The following SGCD variants were observed in gnomAD, a reference collection of about 807,000 sequenced individuals.
SGCD encodes the protein delta-sarcoglycan.
A neutral mutation model predicts 36.6 loss-of-function variants in SGCD; 18 were observed. The observed-to-expected ratio is 0.49, with a 90% CI of 0.34 to 0.73. The LOEUF is 0.73. Among genes scored for constraint, SGCD ranks in the 30% least tolerant of loss-of-function variants. SGCD has a pLI of 0.01. For synonymous variants in SGCD, 133 were observed against 130.6 expected (o/e 1.02, Z -0.12); for missense variants, 387 against 346.7 (o/e 1.12, Z -0.92).
intron 3 of SGCD, among the ~76,000 whole-genome samples, chr5:156,490,110 G>A (rs752891289): frequency 1.1e-4 from 16 of 151,804 alleles, no homozygotes; most frequent in African/African-American, 1.7e-4. Context: ...AAAATCTAGC[G>A]GAAATGGATA....
intron 7 of SGCD, among the ~76,000 whole-genome samples, chr5:156,712,799 CT>C (rs1300694910): frequency 6.6e-6 from 1 of 152,198 alleles, no homozygotes; most frequent in Admixed American, 6.5e-5. Context: ...TCCCCAACCC[CT>C]TTTCCAGGAC....
chr5:156,535,495 A>C (rs1581131464), intron 4 of SGCD, among the ~76,000 whole-genome samples: 1 of 152,306 alleles, frequency 6.6e-6, no homozygotes, highest in African/African-American at 2.4e-5. Flanking sequence ...TGTCTGAGGA[A>C]GTTTGTTCTC....
intron 1 of SGCD, among the ~76,000 whole-genome samples, chr5:156,025,379 A>G (rs2127574320): frequency 6.6e-6 from 1 of 152,324 alleles, no homozygotes. Context: ...TTTGCCCAGG[A>G]AAGGTATGAA....
chr5:156,421,778 C>T (rs1773321925), intron 3 of SGCD, among the ~76,000 whole-genome samples: 1 of 152,034 alleles, frequency 6.6e-6, no homozygotes, highest in Non-Finnish European at 1.5e-5. Context: ...GGAATTCCTT[C>T]ACTTACTCTT....
chr5:156,391,805 AG>A (rs1349696231), intron 3 of SGCD, among the ~76,000 whole-genome samples: 1 of 152,186 alleles, frequency 6.6e-6, no homozygotes, highest in Non-Finnish European at 1.5e-5. Context: ...GAAATTTTGC[AG>A]GGCAAAAAAT....
intron 7 of SGCD, among the ~76,000 whole-genome samples, chr5:156,702,071 A>G (rs1370749223): frequency 2.6e-5 from 4 of 152,198 alleles, no homozygotes; most frequent in Non-Finnish European, 5.9e-5. Context: ...TTTGCCTTGT[A>G]TGTAAGAATG....
intron 3 of SGCD, among the ~76,000 whole-genome samples, chr5:156,391,323 G>A (rs1029507847): frequency 6.6e-6 from 1 of 152,212 alleles, no homozygotes; most frequent in African/African-American, 2.4e-5. Flanking sequence ...TACACGCTAT[G>A]TTAGCACAAC....
chr5:156,297,052 A>G (rs915783080), intron 3 of SGCD, among the ~76,000 whole-genome samples: 1 of 151,640 alleles, frequency 6.6e-6, no homozygotes, highest in African/African-American at 2.4e-5. Context: ...TATATGGGAT[A>G]TATTAGATAT....
chr5:156,667,972 G>A (rs1202314329), intron 7 of SGCD, among the ~76,000 whole-genome samples: 1 of 152,152 alleles, frequency 6.6e-6, no homozygotes. Context: ...CATAGGAAAG[G>A]ATATTTCAAC....
intron 3 of SGCD, among the ~76,000 whole-genome samples, chr5:156,487,414 G>A (rs1755725176): frequency 6.6e-6 from 1 of 152,136 alleles, no homozygotes; most frequent in Non-Finnish European, 1.5e-5. Context: ...CACCAGATGT[G>A]CAGATAACAA....
At chr5:156,504,615 T>G (rs1404271508) in intron 3 of SGCD, among the ~76,000 whole-genome samples, 1 of 152,072 alleles carries the variant, frequency 6.6e-6, no homozygotes, top group African/African-American at 2.4e-5. Flanking sequence ...TAGTTTTTAT[T>G]TTTTCTCTTA....
intron 7 of SGCD, among the ~76,000 whole-genome samples, chr5:156,653,278 T>C (rs1763532572): frequency 4.1e-5 from 4 of 98,082 alleles, no homozygotes; most frequent in African/African-American, 1.4e-4. Context: ...GAACTTGATA[T>C]TCATTCTTTT....
chr5:156,100,135 T>C (rs1581099102), intron 1 of SGCD, among the ~76,000 whole-genome samples: 2 of 152,212 alleles, frequency 1.3e-5, no homozygotes, highest in South Asian at 4.1e-4. Flanking sequence ...AGGCTGGTGG[T>C]GGTAATCTAA....
chr5:155,888,726 A>C (rs1278743153), intron 1 of SGCD, among the ~76,000 whole-genome samples: 2 of 152,228 alleles, frequency 1.3e-5, no homozygotes, highest in African/African-American at 4.8e-5. Flanking sequence ...AAGTAAAGAA[A>C]AGGCATCTCT....
At chr5:155,916,519 A>C (rs1213984491) in intron 1 of SGCD, among the ~76,000 whole-genome samples, 2 of 152,142 alleles carry the variant, frequency 1.3e-5, no homozygotes. Context: ...AGAGGTGTGA[A>C]GGGGGTCATT....
intron 1 of SGCD, among the ~76,000 whole-genome samples, chr5:156,070,036 A>G (rs1359208476): frequency 6.6e-6 from 1 of 151,824 alleles, no homozygotes; most frequent in Non-Finnish European, 1.5e-5. Flanking sequence ...TTGGGCTGAG[A>G]CAATGGGGTT....
At chr5:155,861,667 A>G in the SGCD span, among the ~76,000 whole-genome samples, 2 of 152,128 alleles carry the variant, frequency 1.3e-5, no homozygotes, top group Admixed American at 6.5e-5. Flanking sequence ...GCAGTGAGCC[A>G]AGATTGTGCC....
At chr5:156,537,844 G>GA (rs71577201) in intron 4 of SGCD, among the ~76,000 whole-genome samples, 7,433 of 146,966 alleles carry the variant, frequency 0.051, 271 homozygotes, top group Non-Finnish European at 0.075. Context: ...TGAATGGAAA[G>GA]AAAAAAAAAA....
At chr5:156,479,157 A>C (rs1312525632) in intron 3 of SGCD, among the ~76,000 whole-genome samples, 3 of 151,990 alleles carry the variant, frequency 2.0e-5, no homozygotes, top group African/African-American at 7.3e-5. Flanking sequence ...CAGTGACATG[A>C]TCTCGGCTCA....
Sources: allele counts gnomAD v4.1 joint callset (sites outside exome capture counted in the v4.1 genomes callset), GRCh38; gene constraint gnomAD v4.1.1; transcripts MANE v1.5; gene names NCBI Gene and HGNC (gene_info 2026-07-23, HGNC 2026-07-21).